Variants in ITFG1 observed in about 807,000 individuals in gnomAD.
ITFG1 encodes the protein T-cell immunomodulatory protein.
Under a neutral mutation model 81.8 loss-of-function variants are expected in ITFG1, and 34 were observed. The observed-to-expected ratio is 0.42, with a 90% CI of 0.32 to 0.55. The LOEUF (loss-of-function observed/expected upper bound fraction) is 0.55, where lower values mean the gene tolerates loss of function less well. Among genes scored for constraint, ITFG1 ranks in the 20% least tolerant of loss-of-function variants. The probability of loss-of-function intolerance (pLI) is 0.17; values close to 1 mark genes in which losing one functional copy is unlikely to be tolerated. For missense variants in ITFG1, 672 were observed against 755.4 expected, an observed-to-expected ratio of 0.89 and a Z score of 1.29; for synonymous variants, 285 against 270.6, an observed-to-expected ratio of 1.05 and a Z score of -0.52.
intron 8 of ITFG1, among the ~76,000 whole-genome samples, chr16:47,362,240 C>A (rs1486262905): frequency 6.6e-6 from 1 of 152,152 alleles, no homozygotes; most frequent in Non-Finnish European, 1.5e-5. Context: ...GTGGTTTCCA[C>A]CTTTAGAAAA....
Position 47,270,796 on chromosome 16 carries a change from C to G in ITFG1, c.1071-10101G>C, listed in dbSNP as rs190505737. On this transcript the variant is annotated intron_variant, in intron 10 of 17. Transcript: ENST00000320640. ...ATATTATTATGCAGCGTAAGAAAAC[C>G]CAGACATAAAGGAACAGATATTGTG... is the stretch of plus-strand genomic sequence containing the variant. Among the ~76,000 whole-genome samples the G allele has an allele frequency of 2.6e-3, 400 of 152,084 alleles. 6 individuals are homozygous for G. Among genetic ancestry groups the G allele is most frequent in the Admixed American group, 3.7e-3 (57 of 15,272 alleles).
chr16:47,263,390 G>A (rs929355520), intron 10 of ITFG1: 2 of 475,070 alleles, frequency 4.2e-6, no homozygotes, highest in African/African-American at 2.0e-5. Flanking sequence ...CTGCATAGAT[G>A]CCTACTCAGG....
At chr16:47,300,295 A>G (rs996094210) in intron 10 of ITFG1, among the ~76,000 whole-genome samples, 4 of 152,014 alleles carry the variant, frequency 2.6e-5, no homozygotes, top group Non-Finnish European at 5.9e-5. Context: ...ATCTATTCTA[A>G]CTGTAATTGT....
At chr16:47,198,713 G>C (rs1362872397) in intron 14 of ITFG1, among the ~76,000 whole-genome samples, 2 of 152,122 alleles carry the variant, frequency 1.3e-5, no homozygotes, top group East Asian at 3.8e-4. Flanking sequence ...AACAAGATGT[G>C]GAGGTGGAAG....
intron 10 of ITFG1, among the ~76,000 whole-genome samples, chr16:47,296,569 G>C (rs1966985329): frequency 6.6e-6 from 1 of 152,092 alleles, no homozygotes; most frequent in Non-Finnish European, 1.5e-5. Flanking sequence ...CTGAGTAGCT[G>C]GGATTACAGG....
At chr16:47,265,184 T>A (rs949283773) in intron 10 of ITFG1, among the ~76,000 whole-genome samples, 1 of 151,918 alleles carries the variant, frequency 6.6e-6, no homozygotes, top group African/African-American at 2.4e-5. Context: ...TTTTATTTTT[T>A]TTTTTTAAAT....
chr16:47,310,946 A>AT (rs1206798421), intron 10 of ITFG1, among the ~76,000 whole-genome samples: 1 of 152,172 alleles, frequency 6.6e-6, no homozygotes, highest in East Asian at 1.9e-4. Flanking sequence ...TCATTTGCCT[A>AT]TAACAACTTT....
At position 47,323,917 on chromosome 16, in the gene ITFG1, A is replaced by C. The variant is rs143034802; in HGVS notation, c.803-10094T>G. On this transcript the variant is annotated intron_variant, in intron 8 of 17. Transcript: ENST00000320640. ...GAAGACGGGACTAGATTATTCTTAA[A>C]ATTCTTATGATTAAACCCTAAAACT... 3.4e-3 allele frequency among the ~76,000 whole-genome samples: 521 copies of C among 152,276 alleles called. 5 individuals carry two copies. The highest frequency in any genetic ancestry group is 0.023 in the East Asian group (121 of 5,186).
chr16:47,440,499 T>G (rs113889664), intron 5 of ITFG1, among the ~76,000 whole-genome samples: 36 of 152,156 alleles, frequency 2.4e-4, no homozygotes, highest in African/African-American at 7.2e-4. Flanking sequence ...TCAGACCACA[T>G]TGCAATCAAA....
At chr16:47,366,498 T>A (rs1010936006) in intron 7 of ITFG1, among the ~76,000 whole-genome samples, 1 of 152,124 alleles carries the variant, frequency 6.6e-6, no homozygotes, top group African/African-American at 2.4e-5. Flanking sequence ...AAGGAGAGCT[T>A]ATCAGCGATC....
Position 47,428,886 on chromosome 16 carries a change from C to T in ITFG1, c.573G>A (p.Trp191Ter). ...PQILLGGNLSWHPALTTTSKM... is the reference protein window; with the variant it reads ...PQILLGGNLS ...TACTTGTAGTGGTCAATGCTGGATGCCATGATAAATTCCTAAAAAATAAAA... is the reference window on the plus strand; with the variant it reads ...TACTTGTAGTGGTCAATGCTGGATGTCATGATAAATTCCTAAAAAATAAAA... Residue 191 changes from tryptophan (W) to a stop codon, truncating the protein, a stop_gained, in exon 6 of 18, where the codon TGG (tryptophan) becomes TGA (stop). Coordinates refer to ENST00000320640, the MANE Select transcript of ITFG1 (RefSeq NM_030790.5). LOFTEE classifies it high-confidence loss of function. The T allele has an allele frequency of 6.3e-7, 1 of 1,579,032 alleles. No individual in the cohort carries two copies. The highest frequency in any genetic ancestry group is 2.3e-5 in the East Asian group (1 of 44,224).
chr16:47,358,468 G>A (rs1376320583), intron 8 of ITFG1, among the ~76,000 whole-genome samples: 2 of 152,152 alleles, frequency 1.3e-5, no homozygotes, highest in Admixed American at 1.3e-4. Context: ...AATGTAAATA[G>A]GAAGACTAAG....
rs141120195 is a variant in ITFG1, at chr16:47,332,196, T to TAATAA, written c.803-18378_803-18374dup. On this transcript the variant is annotated intron_variant, in intron 8 of 17. Coordinates refer to ENST00000320640, the MANE Select transcript of ITFG1 (RefSeq NM_030790.5). Reference sequence around the variant, plus strand: ...TACCCTAAAACTTAAAGTATAATAATAATAAAATAAAATAAAATAAAATAA... The same window carrying TAATAA: ...TACCCTAAAACTTAAAGTATAATAATAATAAAATAAAATAAAATAAAATAAAATAA... Among the ~76,000 whole-genome samples the TAATAA allele has an allele frequency of 1.5e-3, 223 of 151,202 alleles. 2 individuals are homozygous for TAATAA. The highest frequency in any genetic ancestry group is 4.3e-3 in the African/African-American group (178 of 41,268).
chr16:47,210,308 T>A (rs1226605685), intron 14 of ITFG1, among the ~76,000 whole-genome samples: 1 of 152,196 alleles, frequency 6.6e-6, no homozygotes, highest in Non-Finnish European at 1.5e-5. Flanking sequence ...GTTAACGTCT[T>A]TTCATGTGCT....
At chr16:47,290,231 G>T (rs980219951) in intron 10 of ITFG1, among the ~76,000 whole-genome samples, 4 of 152,080 alleles carry the variant, frequency 2.6e-5, no homozygotes, top group Admixed American at 6.6e-5. Context: ...CTTGTTTTGT[G>T]GTCTGCCATG....
chr16:47,278,946 C>T (rs1391982110), intron 10 of ITFG1, among the ~76,000 whole-genome samples: 1 of 152,108 alleles, frequency 6.6e-6, no homozygotes, highest in Non-Finnish European at 1.5e-5. Flanking sequence ...GTTTAACATT[C>T]ATAAAAAATT....
chr16:47,386,541 C>G (rs1968464847), intron 6 of ITFG1, among the ~76,000 whole-genome samples: 1 of 152,304 alleles, frequency 6.6e-6, no homozygotes, highest in South Asian at 2.1e-4. Flanking sequence ...CCCCTACTCA[C>G]AAAGGTGGAG....
chr16:47,255,170 C>T (rs761094862), intron 12 of ITFG1, among the ~76,000 whole-genome samples: 21 of 152,126 alleles, frequency 1.4e-4, no homozygotes, highest in Admixed American at 3.3e-4. Flanking sequence ...AGAAAGAAAA[C>T]AATATTTTGA....
chr16:47,313,853 A>G, intron 8 of ITFG1, 30 bp from the exon 9 acceptor site: 1 of 1,283,800 alleles, frequency 7.8e-7, no homozygotes, highest in Non-Finnish European at 1.1e-6. Flanking sequence ...GAGTCCATTA[A>G]TAGTCACAAA....
Sources: allele counts gnomAD v4.1 joint callset (sites outside exome capture counted in the v4.1 genomes callset), GRCh38; gene constraint gnomAD v4.1.1; transcripts MANE v1.5; gene names NCBI Gene and HGNC (gene_info 2026-07-23, HGNC 2026-07-21).